Variants in NDUFAF2 observed in about 807,000 individuals in gnomAD.
NDUFAF2 encodes the protein NADH dehydrogenase [ubiquinone] 1 alpha subcomplex assembly factor 2.
In NDUFAF2, 13 loss-of-function variants were observed where a neutral mutation model predicts 22.8. That is an observed-to-expected ratio of 0.57 (90% CI 0.37 to 0.91). The LOEUF (loss-of-function observed/expected upper bound fraction) is 0.91. Ranked by LOEUF, NDUFAF2 falls within the 40% of genes least tolerant of loss-of-function variation. The pLI, the probability that NDUFAF2 is intolerant of heterozygous loss-of-function variation, is 0.01. For missense variants in NDUFAF2, 162 were observed against 195.2 expected, an observed-to-expected ratio of 0.83 and a Z score of 1.01; for synonymous variants, 53 against 64.2, an observed-to-expected ratio of 0.83 and a Z score of 0.84.
rs1579857636 is a variant in NDUFAF2, at chr5:61,153,009, A to T, written c.*54A>T. On this transcript the variant is annotated 3_prime_UTR_variant, in exon 4 of 4. Coordinates refer to ENST00000296597, the MANE Select transcript of NDUFAF2 (RefSeq NM_174889.5). ...TATGGATGTGACTATTTTAACAAAT[A>T]AAAGAAGTGAAAAGTTATTTACCTT... 6 of 1,569,226 alleles carry T rather than the reference A, an allele frequency of 3.8e-6. No individual in the cohort carries two copies. The East Asian group carries it at 1.4e-4, about 36-fold the overall frequency.
chr5:61,081,003 C>T (rs1052715952), intron 2 of NDUFAF2, among the ~76,000 whole-genome samples: 4 of 152,100 alleles, frequency 2.6e-5, no homozygotes, highest in Non-Finnish European at 4.4e-5. Context: ...TTGGGTTTTA[C>T]ATTAAAGTCT....
intron 1 of NDUFAF2, among the ~76,000 whole-genome samples, chr5:61,003,576 G>A (rs1164255840): frequency 6.7e-6 from 1 of 149,262 alleles, no homozygotes; most frequent in Non-Finnish European, 1.5e-5. Context: ...CAATACACCA[G>A]AACTTCAGAT....
At chr5:61,046,371 G>A (rs1369908787) in intron 1 of NDUFAF2, among the ~76,000 whole-genome samples, 2 of 152,038 alleles carry the variant, frequency 1.3e-5, no homozygotes, top group East Asian at 1.9e-4. Context: ...AGAAGGATTG[G>A]TATTAGTTCT....
intron 1 of NDUFAF2, among the ~76,000 whole-genome samples, chr5:61,021,235 C>T (rs1258522981): frequency 6.6e-6 from 1 of 152,024 alleles, no homozygotes; most frequent in African/African-American, 2.4e-5. Context: ...AAGTTGTTGG[C>T]AGGGCTGTGT....
At chr5:61,079,615 A>T (rs1256504976) in intron 2 of NDUFAF2, among the ~76,000 whole-genome samples, 1 of 152,240 alleles carries the variant, frequency 6.6e-6, no homozygotes, top group Admixed American at 6.5e-5. Context: ...GATTAGAGAG[A>T]ATATTCTTGC....
chr5:60,997,758 G>C (rs1002335418), intron 1 of NDUFAF2, among the ~76,000 whole-genome samples: 9 of 152,092 alleles, frequency 5.9e-5, no homozygotes, highest in African/African-American at 1.9e-4. Context: ...CACTGTGCTT[G>C]GATTCCCTCC....
chr5:60,999,746 C>T (rs757554066), intron 1 of NDUFAF2, among the ~76,000 whole-genome samples: 5 of 152,054 alleles, frequency 3.3e-5, no homozygotes, highest in Non-Finnish European at 7.4e-5. Context: ...TAACTAGTTA[C>T]ACTAGTTTGT....
At chr5:61,037,004 A>G (rs1364736767) in intron 1 of NDUFAF2, among the ~76,000 whole-genome samples, 4 of 152,108 alleles carry the variant, frequency 2.6e-5, no homozygotes, top group South Asian at 2.1e-4. Context: ...TTTTTCATCT[A>G]TTTGGCCAGT....
At chr5:61,029,586 G>A (rs1751698033) in intron 1 of NDUFAF2, among the ~76,000 whole-genome samples, 1 of 151,982 alleles carries the variant, frequency 6.6e-6, no homozygotes, top group Non-Finnish European at 1.5e-5. Flanking sequence ...CATATTCTAG[G>A]CCTGTGCTCT....
At chr5:60,945,547 C>A in intron 1 of NDUFAF2, 165 bp downstream of exon 1, 1 of 1,054,922 alleles carries the variant, frequency 9.5e-7, no homozygotes, top group Non-Finnish European at 1.4e-6. Context: ...TTCACTCTGG[C>A]ATCGGAGCCC....
In NDUFAF2 at chr5:60,989,893, C is replaced by A. The variant is rs1751135710; in HGVS notation, c.127+44511C>A. On this transcript the variant is annotated intron_variant, in intron 1 of 3. Transcript: ENST00000296597. ...CAAACGTGTATATGCATTCCTGAAC[C>A]TAAAGTGAAAGTTAAAAGAGAAATT... is the stretch of plus-strand genomic sequence containing the variant. 2.6e-5 allele frequency among the ~76,000 whole-genome samples: 4 copies of A among 151,992 alleles called. No homozygotes were observed. In the South Asian group the frequency reaches 8.3e-4, roughly 32 times the overall value.
At chr5:60,998,475 A>G (rs147971170) in intron 1 of NDUFAF2, among the ~76,000 whole-genome samples, 1 of 152,266 alleles carries the variant, frequency 6.6e-6, no homozygotes, top group African/African-American at 2.4e-5. Flanking sequence ...GAGTAGGCTT[A>G]TAAAATTGTA....
chr5:60,988,590 C>T (rs536604065), intron 1 of NDUFAF2, among the ~76,000 whole-genome samples: 1 of 152,010 alleles, frequency 6.6e-6, no homozygotes, highest in Non-Finnish European at 1.5e-5. Context: ...GCACATAAAC[C>T]AATGGAACAG....
chr5:60,972,773 G>GTTTTTTTTTTTTTTTTTTT (rs35076688), intron 1 of NDUFAF2, among the ~76,000 whole-genome samples: 1 of 103,918 alleles, frequency 9.6e-6, no homozygotes, highest in Admixed American at 9.7e-5. Flanking sequence ...TGTGTATTCT[G>GTTTTTTTTTTTTTTTTTTT]TTTTTTTTTT....
intron 2 of NDUFAF2, among the ~76,000 whole-genome samples, chr5:61,082,297 T>C (rs1752452963): frequency 6.6e-6 from 1 of 152,164 alleles, no homozygotes; most frequent in Admixed American, 6.5e-5. Context: ...GGGATCTTGC[T>C]CTGTGGCTCA....
intron 1 of NDUFAF2, among the ~76,000 whole-genome samples, chr5:61,008,365 A>T (rs1403528600): frequency 6.6e-6 from 1 of 152,158 alleles, no homozygotes; most frequent in Non-Finnish European, 1.5e-5. Flanking sequence ...TACAAAGAAT[A>T]GTCTTTGTAA....
In NDUFAF2 at chr5:61,009,682, G is replaced by A. The variant is rs147487368; in HGVS notation, c.128-63443G>A. On this transcript the variant is annotated intron_variant, in intron 1 of 3. Coordinates refer to ENST00000296597, the MANE Select transcript of NDUFAF2 (RefSeq NM_174889.5). Reference sequence around the variant, plus strand: ...CTCTGTTCTCAGCTAATTACTAGTCGTACTGTACTTCTTCAAGTCATGGAA... The same window carrying A: ...CTCTGTTCTCAGCTAATTACTAGTCATACTGTACTTCTTCAAGTCATGGAA... Among the ~76,000 whole-genome samples the A allele has an allele frequency of 1.3e-4, 19 of 151,902 alleles. 1 individual carries two copies. In the East Asian group the frequency reaches 1.5e-3, roughly 12 times the overall value.
chr5:61,022,856 G>C (rs1172995362), intron 1 of NDUFAF2, among the ~76,000 whole-genome samples: 1 of 152,158 alleles, frequency 6.6e-6, no homozygotes, highest in South Asian at 2.1e-4. Flanking sequence ...TGTTGGCCAG[G>C]CTGGTCTTGA....
chr5:61,126,837 A>G (rs1184672662), intron 3 of NDUFAF2, among the ~76,000 whole-genome samples: 6 of 152,118 alleles, frequency 3.9e-5, no homozygotes, highest in Admixed American at 3.3e-4. Flanking sequence ...CAAAAAAATC[A>G]ATGAATCCAG....
Sources: gnomAD v4.1 joint callset for allele counts (sites outside exome capture counted in the v4.1 genomes callset) on GRCh38, gnomAD v4.1.1 for gene constraint, MANE v1.5 for transcripts, NCBI Gene and HGNC (gene_info 2026-07-23, HGNC 2026-07-21) for gene names.